The following TRPM4 variants were observed in gnomAD, a reference collection of about 807,000 sequenced individuals.
TRPM4 encodes the protein transient receptor potential cation channel subfamily M member 4.
Under a neutral mutation model 135.6 loss-of-function variants are expected in TRPM4, and 124 were observed. The observed-to-expected ratio is 0.91, with a 90% CI of 0.79 to 1.06. TRPM4 has a LOEUF of 1.06. Ranked by LOEUF, TRPM4 falls within the 50% of genes least tolerant of loss-of-function variation. The pLI, the probability that TRPM4 is intolerant of heterozygous loss-of-function variation, is 0.00. For synonymous variants in TRPM4, 745 were observed against 705.6 expected (o/e 1.06, Z -0.88); for missense variants, 1,658 against 1,671.4 (o/e 0.99, Z 0.14).
intron 3 of TRPM4, among the ~76,000 whole-genome samples, chr19:49,167,201 C>A (rs1475050322): frequency 1.1e-5 from 1 of 94,684 alleles, no homozygotes; most frequent in South Asian, 4.0e-4. Context: ...CTCTGTCCCT[C>A]TCTCTCTGGG....
chr19:49,201,835 G>A, intron 19 of TRPM4, 129 bp from the exon 20 acceptor site: 3 of 950,532 alleles, frequency 3.2e-6, no homozygotes, highest in South Asian at 2.6e-5. Flanking sequence ...CCCCACCTCA[G>A]GTGATCCGGC....
intron 9 of TRPM4, among the ~76,000 whole-genome samples, chr19:49,174,553 G>A (rs1211299484): frequency 6.6e-6 from 1 of 151,946 alleles, no homozygotes; most frequent in African/African-American, 2.4e-5. Flanking sequence ...TTGAGCCCAG[G>A]AGTTTGAGAC....
chr19:49,180,389 G>C (rs1452917726), intron 9 of TRPM4, among the ~76,000 whole-genome samples: 2 of 150,262 alleles, frequency 1.3e-5, no homozygotes, highest in African/African-American at 4.9e-5. Context: ...TATACCCCAA[G>C]TTTCAGAAAT....
intron 2 of TRPM4, among the ~76,000 whole-genome samples, chr19:49,162,122 G>A (rs1966988444): frequency 6.6e-6 from 1 of 152,216 alleles, no homozygotes; most frequent in Non-Finnish European, 1.5e-5. Flanking sequence ...ATCCTGCCAA[G>A]GAGAGGGTTT....
At chr19:49,200,485 C>A in intron 18 of TRPM4, 53 bp downstream of exon 18, 1 of 1,594,260 alleles carries the variant, frequency 6.3e-7, no homozygotes, top group Non-Finnish European at 8.6e-7. Flanking sequence ...AGGGGTGGGG[C>A]CAGGGAGGGA....
intron 2 of TRPM4, among the ~76,000 whole-genome samples, chr19:49,164,714 G>A (rs1038008706): frequency 1.3e-4 from 20 of 149,682 alleles, no homozygotes; most frequent in African/African-American, 4.4e-4. Flanking sequence ...TTGCTTGCTT[G>A]CTTGCTTGCT....
rs757604784 is a variant in TRPM4 at position 49,190,372 on chromosome 19, C to A, written c.2132+52C>A. The A allele has an allele frequency of 1.1e-5, 17 of 1,493,850 alleles. No homozygotes were observed. In the South Asian group the frequency reaches 1.8e-4, roughly 16 times the overall value. 92.5% of individuals were successfully genotyped at this position (1,493,850 alleles called of 1,614,324 possible). On this transcript the variant is annotated intron_variant, in intron 15 of 24. Coordinates refer to ENST00000252826, the MANE Select transcript of TRPM4 (RefSeq NM_017636.4). ...GGGATGGGGGCGGGGTGCTCAGTTT[C>A]TCCTTCCTGCCCCCTCTGCCCACCT...
At chr19:49,182,447 T>TTCAC (rs1968006192) in intron 10 of TRPM4, 131 bp from the exon 11 acceptor site, 14 of 705,024 alleles carry the variant, frequency 2.0e-5, no homozygotes, top group Non-Finnish European at 3.4e-5. Context: ...CATCCATCCA[T>TTCAC]CCACCCATCC....
At position 49,210,392 on chromosome 19, in the gene TRPM4, C is replaced by T. The variant is rs982072766; in HGVS notation, c.3315C>T (p.Ala1105=). The change falls in exon 21 of 25, where the codon GCC becomes GCT. Residue 1105 remains alanine, a synonymous_variant. Coordinates refer to ENST00000252826, the MANE Select transcript of TRPM4 (RefSeq NM_017636.4). The surrounding 1 kb of genome is among the most constrained non-coding windows in gnomAD (Gnocchi z 4.1). ...RPRSPQPSSP[A]LEHFRVYLSK... The stretch of plus-strand genomic sequence containing the variant: ...GGAGCCCCCAGCCGTCCTCCCCGGC[C>T]CTCGAGCATTTCCGTAAGAACAGAG... 1.5e-5 allele frequency: 24 copies of T among 1,613,752 alleles called. No individual in the cohort carries two copies. The highest frequency in any genetic ancestry group is 7.7e-5 in the South Asian group (7 of 91,084).
chr19:49,197,372 T>C (rs867002370), intron 17 of TRPM4, among the ~76,000 whole-genome samples: 2 of 144,476 alleles, frequency 1.4e-5, no homozygotes, highest in South Asian at 4.3e-4. Flanking sequence ...TTCTCTCTCT[T>C]TCTTTTCTTT....
Position 49,210,076 on chromosome 19 carries a change from A to G in TRPM4, c.3132-133A>G. 1 of 1,013,660 alleles carries G rather than the reference A, an allele frequency of 9.9e-7. No homozygotes were observed. The highest frequency in any genetic ancestry group is 1.6e-6 in the Non-Finnish European group (1 of 642,158). The allele number at this position is 1,013,660 out of a possible 1,614,324, so 62.8% of individuals were successfully genotyped here. ...AACCTGACTTCTAATCGCATCCTGT[A>G]ACCTCTGACTTTAGTGATCTTGACT... On this transcript the variant is annotated intron_variant, in intron 20 of 24. Coordinates refer to ENST00000252826, the MANE Select transcript of TRPM4 (RefSeq NM_017636.4). The surrounding 1 kb of genome is among the most constrained non-coding windows in gnomAD (Gnocchi z 4.1).
Position 49,196,435 on chromosome 19 carries a change from C to A in TRPM4, c.2211-5C>A, listed in dbSNP as rs749307006. Reference sequence around the variant, plus strand: ...CCTCCTCCCTTCTCTTCTCTTCCCCCACAGGACGGCGGACCCAGCCGAGAA... The same window carrying A: ...CCTCCTCCCTTCTCTTCTCTTCCCCAACAGGACGGCGGACCCAGCCGAGAA... On this transcript the variant is annotated splice_region_variant and splice_polypyrimidine_tract_variant and intron_variant, in intron 16 of 24. Transcript: ENST00000252826. 6.5e-6 allele frequency: 10 copies of A among 1,536,018 alleles called. No homozygotes were observed. Among genetic ancestry groups the A allele is most frequent in the African/African-American group, 2.7e-5 (2 of 72,886 alleles).
At chr19:49,193,080 G>GGTTTTTTTTTTTTTTTTTTTTTTTT (rs544387196) in intron 16 of TRPM4, among the ~76,000 whole-genome samples, 1 of 132,800 alleles carries the variant, frequency 7.5e-6, no homozygotes, top group Non-Finnish European at 1.6e-5. Flanking sequence ...AAATCAGTTG[G>GGTTTTTTTTTTTTTTTTTTTTTTTT]TTTTTTTTTT....
At position 49,182,779 on chromosome 19, in the gene TRPM4, C is replaced by A. The variant is rs1273242959; in HGVS notation, c.1465C>A (p.Pro489Thr). The A allele has an allele frequency of 1.3e-6, 2 of 1,577,778 alleles. No individual in the cohort carries two copies. The highest frequency in any genetic ancestry group is 1.7e-5 in the Admixed American group (1 of 59,326). ...QASHSAGTKAPALKGGAAELR... is the reference protein window; with the variant it reads ...QASHSAGTKATALKGGAAELR... The stretch of plus-strand genomic sequence containing the variant: ...GTCCCACAGCGCAGGCACCAAAGCC[C>A]CAGCCCTAAAAGGGGGAGCTGCGGA... Residue 489 changes from proline (P) to threonine (T), a missense_variant, in exon 11 of 25, where the codon CCA (proline) becomes ACA (threonine). Pro to Thr is a conservative substitution (Grantham distance 38). Around this residue, in one of 3 missense-constraint regions of TRPM4, gnomAD observed 1,412 missense variants for 1,408.7 expected, o/e 1.00. Coordinates refer to ENST00000252826, the MANE Select transcript of TRPM4 (RefSeq NM_017636.4).
intron 20 of TRPM4, among the ~76,000 whole-genome samples, chr19:49,203,926 G>A (rs1038909358): frequency 2.4e-4 from 36 of 152,034 alleles, no homozygotes; most frequent in African/African-American, 4.3e-4. Flanking sequence ...TCAGGAGTTC[G>A]AGACCAGCCT....
In TRPM4 at chr19:49,158,255, C is replaced by T. The variant is rs1231819815; in HGVS notation, c.88C>T (p.Pro30Ser). The change falls in exon 2 of 25, where the codon CCG becomes TCG. Residue 30 changes from proline (P) to serine (S), a missense_variant. Around this residue, in one of 3 missense-constraint regions of TRPM4, gnomAD observed 239 missense variants for 240.1 expected, o/e 1.00. Coordinates refer to ENST00000252826, the MANE Select transcript of TRPM4 (RefSeq NM_017636.4). ...CTTFIVDSTD[P>S]GGTLCQCGRP... ...GACGTTCATAGTTGACTCCACAGAT[C>T]CGGGGTGAGGAGTTCGCCCCTGGAC... is the stretch of plus-strand genomic sequence containing the variant. 2 of 1,613,880 alleles carry T rather than the reference C, an allele frequency of 1.2e-6. No individual in the cohort carries two copies. The highest frequency in any genetic ancestry group is 1.7e-6 in the Non-Finnish European group (2 of 1,179,954).
intron 20 of TRPM4, among the ~76,000 whole-genome samples, chr19:49,209,954 A>C (rs1162874846): frequency 6.6e-6 from 1 of 151,822 alleles, no homozygotes; most frequent in Non-Finnish European, 1.5e-5. Context: ...TCACCATGTT[A>C]GCCAGGCTGG....
chr19:49,167,420 TC>T (rs1446633935), intron 3 of TRPM4, among the ~76,000 whole-genome samples: 5 of 105,588 alleles, frequency 4.7e-5, no homozygotes, highest in East Asian at 5.7e-4. Context: ...TGGGTTTCTG[TC>T]CCCATCTCTC....
chr19:49,164,628 C>T (rs1390990208), intron 2 of TRPM4, among the ~76,000 whole-genome samples: 9 of 151,652 alleles, frequency 5.9e-5, no homozygotes, highest in African/African-American at 2.2e-4. Flanking sequence ...ATGATCCACC[C>T]GCCTCAGCCT....
Sources: gnomAD v4.1 joint callset for allele counts (sites outside exome capture counted in the v4.1 genomes callset) on GRCh38, gnomAD v4.1.1 for gene constraint, gnomAD v4.1.1 regional missense constraint, Gnocchi (gnomAD v3.1) non-coding constraint, MANE v1.5 for transcripts, NCBI Gene and HGNC (gene_info 2026-07-23, HGNC 2026-07-21) for gene names.